COG5: variants seen among roughly 807,000 people sequenced by gnomAD.
COG5 encodes the protein component of oligomeric golgi complex 5, also known as conserved oligomeric Golgi complex subunit 5.
COG5 carries 86 observed loss-of-function variants against 110.4 expected under a neutral mutation model. That is an observed-to-expected ratio of 0.78 (90% confidence interval 0.65 to 0.93). The LOEUF (loss-of-function observed/expected upper bound fraction) is 0.93, where lower values mean the gene tolerates loss of function less well. Among genes scored for constraint, COG5 ranks in the 40% least tolerant of loss-of-function variants. The pLI is 0.00. For missense variants in COG5, 1,077 were observed against 987.0 expected, an observed-to-expected ratio of 1.09 and a Z score of -1.22; for synonymous variants, 360 against 334.6, an observed-to-expected ratio of 1.08 and a Z score of -0.83.
At chr7:107,205,109 C>T (rs1158987365) in intron 21 of COG5, among the ~76,000 whole-genome samples, 1 of 152,250 alleles carries the variant, frequency 6.6e-6, no homozygotes, top group Admixed American at 6.5e-5. Context: ...GAGCATCCTA[C>T]TGCTGTTTCT....
At chr7:107,357,968 C>T (rs1812775166) in intron 10 of COG5, among the ~76,000 whole-genome samples, 1 of 152,198 alleles carries the variant, frequency 6.6e-6, no homozygotes, top group African/African-American at 2.4e-5. Flanking sequence ...TGTGCCTGGA[C>T]TCATACGCAT....
At chr7:107,396,524 G>A (rs1383662564) in intron 7 of COG5, among the ~76,000 whole-genome samples, 1 of 119,764 alleles carries the variant, frequency 8.3e-6, no homozygotes, top group Non-Finnish European at 1.6e-5. Flanking sequence ...GAAAGGCCAG[G>A]GGGGTGAGGA....
chr7:107,440,704 T>C (rs1311876997), intron 6 of COG5, among the ~76,000 whole-genome samples: 1 of 152,100 alleles, frequency 6.6e-6, no homozygotes, highest in African/African-American at 2.4e-5. Flanking sequence ...TCAATCATCG[T>C]TATGTAATGG....
At chr7:107,488,811 C>A (rs1444914765) in intron 6 of COG5, among the ~76,000 whole-genome samples, 1 of 152,042 alleles carries the variant, frequency 6.6e-6, no homozygotes, top group Non-Finnish European at 1.5e-5. Context: ...TGCACCACTG[C>A]ACTCCAACCT....
At chr7:107,494,827 T>A (rs1454580019) in intron 6 of COG5, among the ~76,000 whole-genome samples, 1 of 152,108 alleles carries the variant, frequency 6.6e-6, no homozygotes, top group Non-Finnish European at 1.5e-5. Context: ...ACAACTCCCA[T>A]TCCAAGTCCC....
At chr7:107,378,082 C>CA (rs1161749157) in intron 7 of COG5, among the ~76,000 whole-genome samples, 1 of 152,206 alleles carries the variant, frequency 6.6e-6, no homozygotes, top group Non-Finnish European at 1.5e-5. Context: ...GAACAGGCAG[C>CA]AATCTTTGCT....
In COG5 at chr7:107,514,935, ATTG is replaced by A. The variant is rs1479862088; in HGVS notation, c.538+12299_538+12301del. ...ATATTATCATCATCATCATCAATAT[ATTG>A]TTGTTGTCATTATCAGTTTTATGCT... On this transcript the variant is annotated intron_variant, in intron 6 of 21. Coordinates refer to ENST00000297135, the MANE Select transcript of COG5 (RefSeq NM_006348.5). Among the ~76,000 whole-genome samples the A allele has an allele frequency of 2.0e-5, 3 of 152,122 alleles. 1 individual carries two copies. The highest frequency in any genetic ancestry group is 6.3e-3 in the Middle Eastern group (2 of 316).
intron 6 of COG5, among the ~76,000 whole-genome samples, chr7:107,446,272 T>C (rs1322822347): frequency 6.6e-6 from 1 of 152,218 alleles, no homozygotes. Context: ...AGTTGACACA[T>C]AAAACTAATT....
chr7:107,532,467 AT>A (rs1801282588), intron 5 of COG5, among the ~76,000 whole-genome samples: 1 of 152,218 alleles, frequency 6.6e-6, no homozygotes, highest in Non-Finnish European at 1.5e-5. Context: ...ATAAATATTC[AT>A]TTGATTTATG....
In COG5 at chr7:107,500,074, T is replaced by C. The variant is rs556116764; in HGVS notation, c.538+27163A>G. ...AGAGCACTCAACCAAACTGAGACCC[T>C]GTAAAAAAGAAAGAATGGAAACAAA... On this transcript the variant is annotated intron_variant, in intron 6 of 21. Transcript: ENST00000297135. 7.2e-4 allele frequency among the ~76,000 whole-genome samples: 109 copies of C among 152,226 alleles called. 3 individuals are homozygous for C. In the South Asian group the frequency reaches 0.022, roughly 30 times the overall value.
chr7:107,550,891 G>T (rs1214861350), intron 3 of COG5, among the ~76,000 whole-genome samples: 2 of 141,808 alleles, frequency 1.4e-5, no homozygotes, highest in East Asian at 2.0e-4. Flanking sequence ...CTTGTACTTT[G>T]TTTTTTTTTT....
intron 19 of COG5, among the ~76,000 whole-genome samples, chr7:107,212,317 C>A (rs569042946): frequency 1.3e-5 from 2 of 152,310 alleles, no homozygotes; most frequent in South Asian, 4.1e-4. Context: ...AGCCATAAAG[C>A]TCCAAACCAG....
At chr7:107,532,216 C>T (rs939384772) in intron 5 of COG5, among the ~76,000 whole-genome samples, 1 of 152,102 alleles carries the variant, frequency 6.6e-6, no homozygotes, top group African/African-American at 2.4e-5. Context: ...GCCACCATGC[C>T]TGACTAATTT....
chr7:107,435,863 T>C (rs1794332579), intron 6 of COG5, among the ~76,000 whole-genome samples: 1 of 152,164 alleles, frequency 6.6e-6, no homozygotes, highest in Non-Finnish European at 1.5e-5. Flanking sequence ...AGCAGCAATA[T>C]TCACAATAGC....
At chr7:107,560,975 A>T (rs1333111857) in intron 1 of COG5, among the ~76,000 whole-genome samples, 1 of 152,208 alleles carries the variant, frequency 6.6e-6, no homozygotes, top group East Asian at 1.9e-4. Flanking sequence ...GGAAGATAGG[A>T]AAGTGGGGGG....
Position 107,474,803 on chromosome 7 carries a change from C to A in COG5, c.538+52434G>T. The A allele has an allele frequency of 6.2e-7, 1 of 1,612,556 alleles. No homozygotes were observed. Among genetic ancestry groups the A allele is most frequent in the Non-Finnish European group, 8.5e-7 (1 of 1,179,352 alleles). The stretch of plus-strand genomic sequence containing the variant: ...ATTCGAATAGGCACAAGATTTTCAA[C>A]AGGGCAGAAGAAGAAAGCAAGAAAG... On this transcript the variant is annotated intron_variant, in intron 6 of 21. Transcript: ENST00000297135. This position sits in a 1 kb window ranked among gnomAD's most constrained non-coding sequence, Gnocchi z 5.7.
At chr7:107,292,560 A>G (rs1435975470) in intron 12 of COG5, among the ~76,000 whole-genome samples, 2 of 152,212 alleles carry the variant, frequency 1.3e-5, no homozygotes, top group Non-Finnish European at 2.9e-5. Context: ...AAGCCTACCA[A>G]GAGTTTTCCT....
In COG5 at chr7:107,337,920, G is replaced by T. The variant is rs1219712696; in HGVS notation, c.1027-13399C>A. On this transcript the variant is annotated intron_variant, in intron 10 of 21. Transcript: ENST00000297135. The stretch of plus-strand genomic sequence containing the variant: ...CATAAGTACCCCATGAATATGTACA[G>T]AAATTATGTATCAATTTTTAAAAAC... 2.0e-5 allele frequency among the ~76,000 whole-genome samples: 3 copies of T among 152,024 alleles called. No homozygotes were observed. In the South Asian group the frequency reaches 6.2e-4, roughly 32 times the overall value.
intron 16 of COG5, among the ~76,000 whole-genome samples, chr7:107,254,804 T>A (rs1441019274): frequency 6.6e-6 from 1 of 152,318 alleles, no homozygotes; most frequent in Admixed American, 6.5e-5. Flanking sequence ...ATTTTTATCA[T>A]CAAAGTGAAG....
Sources: allele counts gnomAD v4.1 joint callset (sites outside exome capture counted in the v4.1 genomes callset), GRCh38; gene constraint gnomAD v4.1.1; non-coding constraint Gnocchi (gnomAD v3.1); transcripts MANE v1.5; gene names NCBI Gene and HGNC (gene_info 2026-07-23, HGNC 2026-07-21).